Variants in AOX1 observed in about 807,000 individuals in gnomAD.
AOX1 encodes the protein aldehyde oxidase 1.
In AOX1, 153 loss-of-function variants were observed where a neutral mutation model predicts 169.5. The ratio of observed to expected loss-of-function variants is 0.90; its 90% CI spans 0.79 to 1.03. The LOEUF (loss-of-function observed/expected upper bound fraction) is 1.03, where lower values mean the gene tolerates loss of function less well. AOX1 is among the 50% of genes least tolerant of loss of function. The pLI is 0.00. For synonymous variants in AOX1, 562 were observed against 581.9 expected, an observed-to-expected ratio of 0.97 and a Z score of 0.49; for missense variants, 1,656 against 1,663.9, an observed-to-expected ratio of 1.00 and a Z score of 0.08.
At chr2:200,588,761 A>C (rs1341759698) in intron 1 of AOX1, among the ~76,000 whole-genome samples, 3 of 36,772 alleles carry the variant, frequency 8.2e-5, no homozygotes, top group African/African-American at 1.5e-4. Flanking sequence ...ATCGAGTCTC[A>C]CTCTGTTGCC....
chr2:200,659,091 GTTA>G, intron 27 of AOX1, 71 bp from the exon 28 acceptor site: 5 of 1,470,600 alleles, frequency 3.4e-6, no homozygotes, highest in Non-Finnish European at 4.7e-6. Flanking sequence ...TCACACATGT[GTTA>G]CCACGTGGGC....
Position 200,612,686 on chromosome 2 carries a change from C to T in AOX1, c.1341C>T (p.Val447=), listed in dbSNP as rs2034664894. The T allele has an allele frequency of 6.2e-7, 1 of 1,613,940 alleles. No individual in the cohort carries two copies. The highest frequency in any genetic ancestry group is 1.7e-5 in the Admixed American group (1 of 59,996). The change falls in exon 14 of 35, where the codon GTC becomes GTT. Residue 447 remains valine, a synonymous_variant. Coordinates refer to ENST00000374700, the MANE Select transcript of AOX1 (RefSeq NM_001159.4). Reference sequence around the variant, plus strand: ...CGATAGTCAATTCAGGAATGAGAGTCTTTTTTGGAGAAGGGGATGGCATTA... The same window carrying T: ...CGATAGTCAATTCAGGAATGAGAGTTTTTTTTGGAGAAGGGGATGGCATTA... ...ALAIVNSGMR[V]FFGEGDGIIR... is the part of the protein sequence containing the mutation.
intron 22 of AOX1, among the ~76,000 whole-genome samples, chr2:200,637,628 T>C (rs2035262858): frequency 6.6e-6 from 1 of 152,098 alleles, no homozygotes; most frequent in Non-Finnish European, 1.5e-5. Context: ...TATATGTATA[T>C]GTGTGTATAT....
chr2:200,615,401 A>C (rs1049048067), intron 15 of AOX1, among the ~76,000 whole-genome samples: 23 of 152,202 alleles, frequency 1.5e-4, no homozygotes, highest in African/African-American at 5.1e-4. Flanking sequence ...TAGGCTGTGC[A>C]ATGTTCAGTC....
chr2:200,610,446 T>C (rs1446923987), intron 12 of AOX1, among the ~76,000 whole-genome samples: 1 of 152,230 alleles, frequency 6.6e-6, no homozygotes, highest in African/African-American at 2.4e-5. Flanking sequence ...AGTCATACTA[T>C]GAGAAACAGG....
chr2:200,654,720 A>G (rs567781983), intron 26 of AOX1, among the ~76,000 whole-genome samples: 8 of 152,328 alleles, frequency 5.3e-5, no homozygotes, highest in Middle Eastern at 3.4e-3. Flanking sequence ...TACCAGTAGT[A>G]TTTGTTTGAA....
chr2:200,659,786 T>TCACACACACACA (rs56916091), intron 28 of AOX1, among the ~76,000 whole-genome samples: 20 of 96,216 alleles, frequency 2.1e-4, no homozygotes, highest in African/African-American at 4.5e-4. Flanking sequence ...GTTCTCTCTC[T>TCACACACACACA]CACACACACA....
In AOX1 at chr2:200,613,963, G is replaced by A. The variant is rs763103914; in HGVS notation, c.1608G>A (p.Lys536=). 1.2e-6 allele frequency: 2 copies of A among 1,611,862 alleles called. No homozygotes were observed. The highest frequency in any genetic ancestry group is 2.2e-5 in the East Asian group (1 of 44,874). The change falls in exon 15 of 35, where the codon AAG becomes AAA. Residue 536 remains lysine, a synonymous_variant. Coordinates refer to ENST00000374700, the MANE Select transcript of AOX1 (RefSeq NM_001159.4). ...FYLEVSQILK[K]MDPVHYPSLA... is the part of the protein sequence containing the mutation. ...TGGAAGTGTCACAGATTTTGAAAAA[G>A]ATGGTAAACAACTGTTTACACATTA...
chr2:200,586,299 C>T (rs1312129897), intron 1 of AOX1, 146 bp downstream of exon 1: 12 of 866,210 alleles, frequency 1.4e-5, no homozygotes, highest in Non-Finnish European at 2.0e-5. Flanking sequence ...AGCGGCTTTG[C>T]CTTCGCATTC....
At chr2:200,588,728 T>TA (rs2034098497) in intron 1 of AOX1, among the ~76,000 whole-genome samples, 1 of 78,262 alleles carries the variant, frequency 1.3e-5, no homozygotes, top group Non-Finnish European at 2.5e-5. Flanking sequence ...AGAATAAGCT[T>TA]TTTTTTTTTT....
chr2:200,635,721 C>T (rs1001173374), intron 21 of AOX1, among the ~76,000 whole-genome samples: 1 of 152,112 alleles, frequency 6.6e-6, no homozygotes, highest in East Asian at 1.9e-4. Flanking sequence ...GCACAATGAC[C>T]GCCCCAGCTG....
In AOX1 at chr2:200,593,163, C is replaced by T. The variant is rs771741977; in HGVS notation, c.63C>T (p.Val21=). ...VNGRKVIEKN[V]DPETMLLPYL... ...TGGTATAGGTGATAGAAAAAAATGT[C>T]GATCCTGAAACAATGCTGTTGCCTT... Residue 21 remains valine, a synonymous_variant, in exon 2 of 35, where the codon GTC becomes GTT. Transcript: ENST00000374700. 21 of 1,613,402 alleles carry T rather than the reference C, an allele frequency of 1.3e-5. No individual in the cohort carries two copies. The highest frequency in any genetic ancestry group is 1.2e-4 in the South Asian group (11 of 91,060).
intron 1 of AOX1, among the ~76,000 whole-genome samples, chr2:200,590,590 A>C (rs1456887188): frequency 6.6e-6 from 1 of 151,932 alleles, no homozygotes; most frequent in African/African-American, 2.4e-5. Context: ...ACAACAACAA[A>C]ACACATTTCA....
chr2:200,667,705 T>G (rs2035947825), intron 32 of AOX1, among the ~76,000 whole-genome samples: 1 of 139,332 alleles, frequency 7.2e-6, no homozygotes, highest in African/African-American at 2.7e-5. Context: ...GTGGGAGGGG[T>G]GGGCCATGAG....
chr2:200,642,002 A>T (rs1386268680), intron 24 of AOX1, among the ~76,000 whole-genome samples: 1 of 152,054 alleles, frequency 6.6e-6, no homozygotes, highest in African/African-American at 2.4e-5. Flanking sequence ...GGTGGCACAC[A>T]CCTGTAATCC....
chr2:200,627,534 G>T lies in AOX1; in HGVS notation c.2221+85G>T, dbSNP rs1041178872. ...CTTCCTTTGTCTTCTGGAAATCATCGGGCAGCCTAGGGGGGTGTTGCTCCT... is the reference window on the plus strand; with the variant it reads ...CTTCCTTTGTCTTCTGGAAATCATCTGGCAGCCTAGGGGGGTGTTGCTCCT... On this transcript the variant is annotated intron_variant, in intron 20 of 34. Transcript: ENST00000374700. 1.2e-4 allele frequency: 115 copies of T among 932,746 alleles called. 2 individuals are homozygous for T. Among genetic ancestry groups the T allele is most frequent in the South Asian group, 1.1e-3 (76 of 69,230 alleles). The allele number at this position is 932,746 out of a possible 1,614,324, so 57.8% of individuals were successfully genotyped here.
intron 10 of AOX1, among the ~76,000 whole-genome samples, chr2:200,608,390 G>A (rs1480550717): frequency 6.6e-6 from 1 of 152,140 alleles, no homozygotes; most frequent in Non-Finnish European, 1.5e-5. Context: ...CCACAGTAGC[G>A]AGTTTATGTA....
intron 1 of AOX1, among the ~76,000 whole-genome samples, chr2:200,588,869 G>A (rs1254655216): frequency 6.6e-6 from 1 of 151,530 alleles, no homozygotes; most frequent in Non-Finnish European, 1.5e-5. Context: ...GGCCAAGCTG[G>A]TCTCAAACTC....
chr2:200,617,319 A>C (rs1030907013), intron 16 of AOX1, among the ~76,000 whole-genome samples: 6 of 152,184 alleles, frequency 3.9e-5, no homozygotes, highest in Admixed American at 2.6e-4. Context: ...TTTTTCCCCT[A>C]AATCAGTTCA....
Sources: allele counts gnomAD v4.1 joint callset (sites outside exome capture counted in the v4.1 genomes callset), GRCh38; gene constraint gnomAD v4.1.1; transcripts MANE v1.5; gene names NCBI Gene and HGNC (gene_info 2026-07-23, HGNC 2026-07-21).